Variants in PYY observed in about 807,000 individuals in gnomAD.
PYY encodes the protein peptide YY.
Under a neutral mutation model 10.3 loss-of-function variants are expected in PYY, and 12 were observed. The ratio of observed to expected loss-of-function variants is 1.17; its 90% CI spans 0.75 to 1.89. The LOEUF (loss-of-function observed/expected upper bound fraction) is 1.89, where lower values mean the gene tolerates loss of function less well. PYY is among the 40% of genes most tolerant of loss of function. The pLI, the probability that PYY is intolerant of heterozygous loss-of-function variation, is 0.00. For missense variants in PYY, 141 were observed against 134.0 expected, an observed-to-expected ratio of 1.05 and a Z score of -0.26; for synonymous variants, 66 against 62.0, an observed-to-expected ratio of 1.06 and a Z score of -0.30.
intron 1 of PYY, among the ~76,000 whole-genome samples, chr17:43,990,621 C>T (rs2048950711): frequency 6.6e-6 from 1 of 151,856 alleles, no homozygotes; most frequent in African/African-American, 2.4e-5. Flanking sequence ...AGATACAAGG[C>T]ACAAAATGTA....
chr17:43,980,179 T>C (rs1176946878), intron 1 of PYY, among the ~76,000 whole-genome samples: 24 of 109,906 alleles, frequency 2.2e-4, no homozygotes, highest in Non-Finnish European at 4.3e-4. Context: ...TTTTTTTTTT[T>C]CTGAGACAGA....
Position 44,000,567 on chromosome 17 carries a change from C to CTTT in PYY, c.-463+3821_-463+3823dup, listed in dbSNP as rs398041714. On this transcript the variant is annotated intron_variant, in intron 1 of 6. Coordinates refer to the PYY transcript ENST00000360085. ...ATGCCTGAGAATGCCTAAGTGTGCA[C>CTTT]TTTTTTTTTTTTTTTTTGAGACTGA... 2.0e-4 allele frequency among the ~76,000 whole-genome samples: 25 copies of CTTT among 127,962 alleles called. 1 individual carries two copies. The highest frequency in any genetic ancestry group is 4.1e-4 in the Admixed American group (5 of 12,076). 83.9% of individuals were successfully genotyped at this position (127,962 alleles called of 152,430 possible). A position where few individuals can be genotyped will look rare whatever the true frequency, so the allele number is the denominator to read the frequency against.
intron 1 of PYY, among the ~76,000 whole-genome samples, chr17:43,980,558 T>A (rs1022344521): frequency 6.6e-6 from 1 of 152,004 alleles, no homozygotes; most frequent in Non-Finnish European, 1.5e-5. Flanking sequence ...CACTGCAACC[T>A]CTGCCTCCTG....
At chr17:43,995,109 T>A (rs1345980528) in intron 1 of PYY, among the ~76,000 whole-genome samples, 2 of 152,176 alleles carry the variant, frequency 1.3e-5, no homozygotes, top group African/African-American at 4.8e-5. Context: ...CATTACAACC[T>A]GGGGCGCAAA....
intron 2 of PYY, among the ~76,000 whole-genome samples, chr17:43,963,630 A>AAGAGAG (rs2048734344): frequency 6.9e-6 from 1 of 145,230 alleles, no homozygotes; most frequent in African/African-American, 2.6e-5. Context: ...AAGAAAGAGA[A>AAGAGAG]AGAAAGAAAA....
chr17:43,953,260 A>AGAGCCCCAGGGGTC, intron 2 of PYY, 36 bp downstream of exon 2: 1 of 1,608,108 alleles, frequency 6.2e-7, no homozygotes, highest in African/African-American at 1.3e-5. Context: ...CCGCAGGGTG[A>AGAGCCCCAGGGGTC]GAGCCCCAGG....
chr17:43,990,951 C>T (rs111363640), intron 1 of PYY, among the ~76,000 whole-genome samples: 5,636 of 151,778 alleles, frequency 0.037, 319 homozygotes, highest in African/African-American at 0.12. Context: ...CCCGCCACCA[C>T]GCCCGGCTAA....
intron 1 of PYY, among the ~76,000 whole-genome samples, chr17:43,986,116 G>A (rs62080327): frequency 0.16 from 23,663 of 152,080 alleles, 2,105 homozygotes; most frequent in Non-Finnish European, 0.2. Flanking sequence ...CAAATTAGTC[G>A]GATGTAGTGG....
At chr17:43,966,670 T>C (rs1410068025) in intron 1 of PYY, 1 of 152,252 alleles carries the variant, frequency 6.6e-6, no homozygotes, top group Non-Finnish European at 1.5e-5. Context: ...GCCCTGTTTA[T>C]TCCCCAGCAC....
At chr17:43,971,688 T>TC (rs2048795012) in intron 1 of PYY, among the ~76,000 whole-genome samples, 1 of 151,922 alleles carries the variant, frequency 6.6e-6, no homozygotes, top group Non-Finnish European at 1.5e-5. Context: ...TGGTTTTTTT[T>TC]TTTTTAAGTG....
chr17:43,952,856 G>T lies in PYY; in HGVS notation c.*100C>A. 1 of 1,352,656 alleles carries T rather than the reference G, an allele frequency of 7.4e-7. No homozygotes were observed. Among genetic ancestry groups the T allele is most frequent in the South Asian group, 1.5e-5 (1 of 65,180 alleles). The allele number at this position is 1,352,656 out of a possible 1,614,324, so 83.8% of individuals were successfully genotyped here. On this transcript the variant is annotated 3_prime_UTR_variant, in exon 4 of 4. Coordinates refer to ENST00000692052, the MANE Select transcript of PYY (RefSeq NM_001394028.1). ...GGCCGCACCCGAACCCTGCCCAGAC[G>T]CCGCCGTCGGGAGGCAGAATCCGGG...
chr17:43,998,155 T>C (rs1168925507), intron 1 of PYY, among the ~76,000 whole-genome samples: 1 of 151,870 alleles, frequency 6.6e-6, no homozygotes, highest in Non-Finnish European at 1.5e-5. Context: ...GCCAGGCTGG[T>C]CTCGAACTCC....
At chr17:43,966,643 C>A (rs1317353886) in intron 1 of PYY, 1 of 152,230 alleles carries the variant, frequency 6.6e-6, no homozygotes, top group African/African-American at 2.4e-5. Context: ...CCCCAACACT[C>A]CCAATCCTCC....
At chr17:43,992,022 G>A (rs985446703) in intron 1 of PYY, among the ~76,000 whole-genome samples, 11 of 150,696 alleles carry the variant, frequency 7.3e-5, no homozygotes, top group Non-Finnish European at 1.0e-4. Flanking sequence ...TCAGGAGGCT[G>A]AGGCAGGAGA....
At chr17:43,966,552 T>A (rs944349763) in intron 1 of PYY, 1 of 152,220 alleles carries the variant, frequency 6.6e-6, no homozygotes, top group African/African-American at 2.4e-5. Flanking sequence ...AAGGAAGTCA[T>A]ATGAAATCGC....
chr17:43,985,601 G>C (rs2048911243), intron 1 of PYY, among the ~76,000 whole-genome samples: 1 of 152,150 alleles, frequency 6.6e-6, no homozygotes, highest in Non-Finnish European at 1.5e-5. Context: ...GCTGGGTTAG[G>C]GTAAATGTAC....
chr17:43,996,048 T>G (rs894399096), intron 1 of PYY, among the ~76,000 whole-genome samples: 1 of 152,062 alleles, frequency 6.6e-6, no homozygotes, highest in Admixed American at 6.6e-5. Context: ...CCATGACCCC[T>G]TCCCTTGAGT....
In PYY at chr17:43,986,183, C is replaced by T. The variant is rs577237829; in HGVS notation, c.-463+18208G>A. ...CTGAGGCAGGAGAATTGCTTAAACC[C>T]GGGAGGCGGGGGTTGCAGTGAGCCG... On this transcript the variant is annotated intron_variant, in intron 1 of 6. Coordinates refer to the PYY transcript ENST00000360085. Among the ~76,000 whole-genome samples, 17 of 152,206 alleles carry T rather than the reference C, an allele frequency of 1.1e-4. No individual in the cohort carries two copies. The East Asian group carries it at 3.3e-3, about 29-fold the overall frequency.
intron 1 of PYY, among the ~76,000 whole-genome samples, chr17:43,977,577 C>T (rs2048857311): frequency 6.6e-6 from 1 of 152,152 alleles, no homozygotes; most frequent in Admixed American, 6.5e-5. Context: ...ACTCTCCCTG[C>T]TCCATGCCCC....
Sources: gnomAD v4.1 joint callset for allele counts (sites outside exome capture counted in the v4.1 genomes callset) on GRCh38, gnomAD v4.1.1 for gene constraint, MANE v1.5 for transcripts, NCBI Gene and HGNC (gene_info 2026-07-23, HGNC 2026-07-21) for gene names.